GRM8: variants seen among roughly 807,000 people sequenced by gnomAD.
GRM8 encodes metabotropic glutamate receptor 8.
A neutral mutation model predicts 87.2 loss-of-function variants in GRM8; 47 were observed. That is an observed-to-expected ratio of 0.54 (90% confidence interval 0.43 to 0.69). The LOEUF (loss-of-function observed/expected upper bound fraction) is 0.69. Among genes scored for constraint, GRM8 ranks in the 30% least tolerant of loss-of-function variants. The pLI, the probability that GRM8 is intolerant of heterozygous loss-of-function variation, is 0.00. For missense variants in GRM8, 1,019 were observed against 1,139.2 expected (o/e 0.89, Z 1.52); for synonymous variants, 396 against 404.5 (o/e 0.98, Z 0.25).
chr7:126,688,494 T>C (rs1563093226), intron 7 of GRM8, among the ~76,000 whole-genome samples: 1 of 152,112 alleles, frequency 6.6e-6, no homozygotes, highest in Non-Finnish European at 1.5e-5. Flanking sequence ...AGACATAGTT[T>C]CGCTTAGAAT....
At chr7:126,955,709 C>T (rs1050396597) in intron 3 of GRM8, among the ~76,000 whole-genome samples, 2 of 152,086 alleles carry the variant, frequency 1.3e-5, no homozygotes, top group Non-Finnish European at 2.9e-5. Context: ...TGGGTCTTTT[C>T]CCCTACTCAA....
At chr7:126,934,702 G>A (rs1806114110) in intron 3 of GRM8, among the ~76,000 whole-genome samples, 2 of 152,136 alleles carry the variant, frequency 1.3e-5, no homozygotes, top group Non-Finnish European at 2.9e-5. Context: ...ATAATTTCTA[G>A]CTTTCTGAGA....
At chr7:127,098,245 A>G (rs1462969200) in intron 3 of GRM8, among the ~76,000 whole-genome samples, 3 of 152,220 alleles carry the variant, frequency 2.0e-5, no homozygotes, top group Non-Finnish European at 4.4e-5. Context: ...CAATTGAATT[A>G]AATTGTTTCC....
intron 2 of GRM8, among the ~76,000 whole-genome samples, chr7:127,199,447 T>C (rs1302003471): frequency 6.6e-6 from 1 of 152,256 alleles, no homozygotes; most frequent in Admixed American, 6.5e-5. Context: ...AGTTAGTCCC[T>C]TCTTTTACAG....
At chr7:126,800,866 T>C (rs1020592776) in intron 6 of GRM8, among the ~76,000 whole-genome samples, 1 of 152,142 alleles carries the variant, frequency 6.6e-6, no homozygotes, top group African/African-American at 2.4e-5. Context: ...ATAAAACTTG[T>C]AAAATATTTT....
intron 2 of GRM8, among the ~76,000 whole-genome samples, chr7:127,200,592 C>T (rs193073421): frequency 2.2e-4 from 33 of 152,286 alleles, no homozygotes; most frequent in South Asian, 4.1e-4. Flanking sequence ...CATCAGCAGG[C>T]CCATGTTCTC....
chr7:127,006,871 T>C (rs549396677), intron 3 of GRM8, among the ~76,000 whole-genome samples: 1 of 152,176 alleles, frequency 6.6e-6, no homozygotes, highest in Non-Finnish European at 1.5e-5. Flanking sequence ...CCCTGACTAA[T>C]ACAATAACCT....
chr7:126,983,349 A>G (rs1811730420), intron 3 of GRM8, among the ~76,000 whole-genome samples: 2 of 152,112 alleles, frequency 1.3e-5, no homozygotes, highest in African/African-American at 4.8e-5. Context: ...AATGCCAACT[A>G]AGTGACAATA....
At chr7:127,195,903 A>G (rs1361956) in intron 2 of GRM8, among the ~76,000 whole-genome samples, 107,490 of 152,022 alleles carry the variant, frequency 0.71, 39,716 homozygotes, top group African/African-American at 0.88. Context: ...GTCTTCCCCG[A>G]CACCCAAATA....
chr7:126,634,075 C>T (rs879795680), intron 7 of GRM8, among the ~76,000 whole-genome samples: 5 of 151,944 alleles, frequency 3.3e-5, no homozygotes, highest in African/African-American at 4.8e-5. Flanking sequence ...GAATAAATTT[C>T]TTGGCTTCAT....
chr7:126,839,465 A>G (rs1001398587), intron 6 of GRM8, among the ~76,000 whole-genome samples: 1 of 152,206 alleles, frequency 6.6e-6, no homozygotes, highest in Non-Finnish European at 1.5e-5. Flanking sequence ...AGATCCAGAT[A>G]TTAAAATAGT....
At chr7:127,181,947 G>A (rs1393165155) in intron 2 of GRM8, among the ~76,000 whole-genome samples, 1 of 152,012 alleles carries the variant, frequency 6.6e-6, no homozygotes, top group Non-Finnish European at 1.5e-5. Context: ...AGGATTTCAT[G>A]ACCAAGAACC....
intron 3 of GRM8, chr7:127,084,620 A>G (rs1823264422): frequency 1.3e-5 from 2 of 152,198 alleles, no homozygotes; most frequent in African/African-American, 4.8e-5. Context: ...CCATGGCACA[A>G]TTGTGTCACA....
intron 3 of GRM8, among the ~76,000 whole-genome samples, chr7:127,095,254 A>G (rs1356888522): frequency 2.0e-5 from 3 of 152,318 alleles, no homozygotes; most frequent in South Asian, 2.1e-4. Context: ...AACCATACAC[A>G]GGGTCCATCA....
intron 8 of GRM8, among the ~76,000 whole-genome samples, chr7:126,563,452 C>T (rs1793920220): frequency 6.6e-6 from 1 of 152,116 alleles, no homozygotes; most frequent in African/African-American, 2.4e-5. Context: ...GGAAGAGCTT[C>T]CCAAAAACTA....
chr7:126,491,597 C>A (rs1285670198), intron 9 of GRM8, among the ~76,000 whole-genome samples: 1 of 151,970 alleles, frequency 6.6e-6, no homozygotes, highest in East Asian at 1.9e-4. Flanking sequence ...ATACAAACAA[C>A]AATGAATGGG....
At chr7:126,841,295 G>C (rs1202346805) in intron 6 of GRM8, among the ~76,000 whole-genome samples, 1 of 152,092 alleles carries the variant, frequency 6.6e-6, no homozygotes, top group Admixed American at 6.6e-5. Context: ...CTGGTGGTTT[G>C]GCTCCTCCAG....
intron 2 of GRM8, among the ~76,000 whole-genome samples, chr7:127,133,852 A>G (rs1161090600): frequency 2.6e-5 from 4 of 152,150 alleles, no homozygotes; most frequent in African/African-American, 9.7e-5. Flanking sequence ...TATCTTCCTA[A>G]AAGTTCTAGC....
chr7:126,554,499 G>A (rs1287650165), intron 8 of GRM8, among the ~76,000 whole-genome samples: 1 of 151,978 alleles, frequency 6.6e-6, no homozygotes, highest in Non-Finnish European at 1.5e-5. Flanking sequence ...AAGCTGAGGT[G>A]GAAGGATTGC....
Sources: gnomAD v4.1 joint callset for allele counts (sites outside exome capture counted in the v4.1 genomes callset) on GRCh38, gnomAD v4.1.1 for gene constraint, MANE v1.5 for transcripts, NCBI Gene and HGNC (gene_info 2026-07-23, HGNC 2026-07-21) for gene names.